The following KLHL1 variants were observed in gnomAD, a reference collection of about 807,000 sequenced individuals.
KLHL1 encodes kelch-like protein 1.
Under a neutral mutation model 77.7 loss-of-function variants are expected in KLHL1, and 47 were observed. That is an observed-to-expected ratio of 0.60 (90% confidence interval 0.48 to 0.77). KLHL1 has a LOEUF of 0.77. Ranked by LOEUF, KLHL1 falls within the 30% of genes least tolerant of loss-of-function variation. KLHL1 has a pLI of 0.00. For synonymous variants in KLHL1, 360 were observed against 325.2 expected (o/e 1.11, Z -1.15); for missense variants, 925 against 910.8 (o/e 1.02, Z -0.20).
intron 8 of KLHL1, among the ~76,000 whole-genome samples, chr13:69,721,096 T>TATATATA (rs1593772228): frequency 1.3e-5 from 1 of 76,288 alleles, no homozygotes; most frequent in Non-Finnish European, 2.8e-5. Context: ...TGTACCTCCC[T>TATATATA]TACAAGGAAT....
At chr13:69,934,256 G>C (rs1359458029) in intron 4 of KLHL1, among the ~76,000 whole-genome samples, 1 of 152,092 alleles carries the variant, frequency 6.6e-6, no homozygotes, top group East Asian at 1.9e-4. Flanking sequence ...TATGTGCCAA[G>C]CACGATGGCA....
At chr13:69,909,016 T>C (rs1433669678) in intron 4 of KLHL1, among the ~76,000 whole-genome samples, 1 of 149,672 alleles carries the variant, frequency 6.7e-6, no homozygotes, top group Non-Finnish European at 1.5e-5. Flanking sequence ...TATGGCTTCA[T>C]CTAAATTAAA....
At chr13:69,783,218 G>T (rs1398960060) in intron 7 of KLHL1, among the ~76,000 whole-genome samples, 1 of 152,126 alleles carries the variant, frequency 6.6e-6, no homozygotes, top group East Asian at 1.9e-4. Context: ...AAATGACAAA[G>T]ATGGGGAAAA....
At chr13:69,903,278 C>T (rs891355606) in intron 4 of KLHL1, among the ~76,000 whole-genome samples, 7 of 152,178 alleles carry the variant, frequency 4.6e-5, no homozygotes, top group Non-Finnish European at 8.8e-5. Context: ...ACCACACCCC[C>T]ACTTGCCTTT....
At chr13:69,959,988 T>C (rs1172747169) in intron 3 of KLHL1, among the ~76,000 whole-genome samples, 1 of 151,994 alleles carries the variant, frequency 6.6e-6, no homozygotes, top group Admixed American at 6.6e-5. Context: ...TTTACCTGTA[T>C]AATTTTGTCT....
chr13:69,878,884 A>G (rs900757151), intron 5 of KLHL1, among the ~76,000 whole-genome samples: 5 of 152,188 alleles, frequency 3.3e-5, no homozygotes, highest in African/African-American at 1.2e-4. Flanking sequence ...GGATTAAGAA[A>G]ATATGGTACA....
chr13:69,720,198 T>C (rs1023554178), intron 8 of KLHL1, among the ~76,000 whole-genome samples: 2 of 152,160 alleles, frequency 1.3e-5, no homozygotes, highest in African/African-American at 2.4e-5. Context: ...TACACTCATC[T>C]TGCTATAATT....
At chr13:69,713,279 T>C (rs1167222027) in intron 9 of KLHL1, among the ~76,000 whole-genome samples, 1 of 152,168 alleles carries the variant, frequency 6.6e-6, no homozygotes, top group Admixed American at 6.6e-5. Context: ...TTGTTGGCAA[T>C]TTGCTTTCTT....
chr13:69,778,848 G>A (rs1410275184), intron 7 of KLHL1, among the ~76,000 whole-genome samples: 1 of 143,194 alleles, frequency 7.0e-6, no homozygotes, highest in Non-Finnish European at 1.5e-5. Context: ...ACCGAGGCTG[G>A]AGTACAGTGG....
intron 1 of KLHL1, among the ~76,000 whole-genome samples, chr13:70,090,236 A>T (rs1311085919): frequency 2.6e-5 from 4 of 152,138 alleles, no homozygotes; most frequent in Non-Finnish European, 1.5e-5. Context: ...TAATTATAAA[A>T]GCAGAATGTG....
intron 2 of KLHL1, among the ~76,000 whole-genome samples, chr13:69,964,265 C>CT (rs1566451689): frequency 6.6e-6 from 1 of 152,104 alleles, no homozygotes. Context: ...TGGTCTGGAG[C>CT]TACTGGCCTT....
At position 69,882,327 on chromosome 13, in the gene KLHL1, T is replaced by A; in HGVS notation, c.1183A>T (p.Ser395Cys). ...AGTCTTATAAAGGCAAGAAGCATGC[T>A]CAGGTCATTGCATCTACTCTGCATG... ...YDMQSRCNDL[S>C]MLLAFIRLPL... Residue 395 changes from serine (S) to cysteine (C), a missense_variant, in exon 5 of 11, where the codon AGC becomes TGC. Coordinates refer to ENST00000377844, the MANE Select transcript of KLHL1 (RefSeq NM_020866.3). The A allele has an allele frequency of 1.9e-6, 3 of 1,613,992 alleles. No homozygotes were observed. The highest frequency in any genetic ancestry group is 2.5e-6 in the Non-Finnish European group (3 of 1,179,894).
Position 70,041,058 on chromosome 13 carries a change from A to G in KLHL1, c.498-65256T>C, listed in dbSNP as rs543388215. 6.1e-4 allele frequency among the ~76,000 whole-genome samples: 93 copies of G among 152,172 alleles called. 2 individuals are homozygous for G. The South Asian group carries it at 0.019, about 31-fold the overall frequency. Reference sequence around the variant, plus strand: ...AATTGAATTTTACTTTAGATATTATATTTTTAATTGTATATTGTATAATTT... The same window carrying G: ...AATTGAATTTTACTTTAGATATTATGTTTTTAATTGTATATTGTATAATTT... On this transcript the variant is annotated intron_variant, in intron 1 of 10. Transcript: ENST00000377844.
chr13:69,914,956 A>G (rs1306447728), intron 4 of KLHL1, among the ~76,000 whole-genome samples: 1 of 152,222 alleles, frequency 6.6e-6, no homozygotes, highest in East Asian at 1.9e-4. Context: ...ACATGTAAAC[A>G]ACACTAACAT....
intron 7 of KLHL1, among the ~76,000 whole-genome samples, chr13:69,774,351 T>A (rs964530686): frequency 6.6e-6 from 1 of 152,032 alleles, no homozygotes; most frequent in African/African-American, 2.4e-5. Flanking sequence ...TGATTGATTT[T>A]AACTTGTTAA....
chr13:69,876,015 GATTA>G (rs1289942143), intron 5 of KLHL1, among the ~76,000 whole-genome samples: 2 of 152,008 alleles, frequency 1.3e-5, no homozygotes, highest in African/African-American at 4.8e-5. Context: ...TAGTGGGCTT[GATTA>G]ATTATTTTGG....
chr13:69,826,030 T>TTGTTAAGTGAACATTA (rs1308674412), intron 6 of KLHL1, among the ~76,000 whole-genome samples: 1 of 152,216 alleles, frequency 6.6e-6, no homozygotes, highest in Non-Finnish European at 1.5e-5. Flanking sequence ...AAAGTTGCTT[T>TTGTTAAGTGAACATTA]TGTTAAGTGA....
chr13:69,838,038 T>A (rs1489774309), intron 6 of KLHL1, among the ~76,000 whole-genome samples: 2 of 151,724 alleles, frequency 1.3e-5, no homozygotes, highest in Admixed American at 6.6e-5. Flanking sequence ...ATGAAAACCA[T>A]GTAACAGCCA....
At position 69,994,992 on chromosome 13, in the gene KLHL1, C is replaced by T. The variant is rs138870770; in HGVS notation, c.498-19190G>A. On this transcript the variant is annotated intron_variant, in intron 1 of 10. Transcript: ENST00000377844. ...GAATTGAGCTCTTTGGTATCTATAT[C>T]AACAATGTACCAAAGACAGTGTGGA... Among the ~76,000 whole-genome samples the T allele has an allele frequency of 3.9e-5, 6 of 152,154 alleles. No homozygotes were observed. In the East Asian group the frequency reaches 1.2e-3, roughly 29 times the overall value.
Sources: gnomAD v4.1 joint callset for allele counts (sites outside exome capture counted in the v4.1 genomes callset) on GRCh38, gnomAD v4.1.1 for gene constraint, MANE v1.5 for transcripts, NCBI Gene and HGNC (gene_info 2026-07-23, HGNC 2026-07-21) for gene names.